The following ANKFN1 variants were observed in gnomAD, a reference collection of about 807,000 sequenced individuals.
ANKFN1 encodes ankyrin repeat and fibronectin type-III domain-containing protein 1.
Under a neutral mutation model 108.7 loss-of-function variants are expected in ANKFN1, and 74 were observed. The ratio of observed to expected loss-of-function variants is 0.68; its 90% CI spans 0.56 to 0.83. The LOEUF is 0.83. Ranked by LOEUF, ANKFN1 falls within the 40% of genes least tolerant of loss-of-function variation. The pLI is 0.00. For missense variants in ANKFN1, 1,505 were observed against 1,382.3 expected, an observed-to-expected ratio of 1.09 and a Z score of -1.41; for synonymous variants, 547 against 516.2, an observed-to-expected ratio of 1.06 and a Z score of -0.81.
intron 8 of ANKFN1, among the ~76,000 whole-genome samples, chr17:56,400,880 C>G (rs1007925013): frequency 2.0e-5 from 3 of 151,952 alleles, no homozygotes; most frequent in African/African-American, 7.2e-5. Flanking sequence ...TTTGCTTTGT[C>G]AAAAATCGGT....
rs537969937 is a variant in ANKFN1, at chr17:56,466,887, T to C, written c.1773+316T>C. 3.3e-5 allele frequency among the ~76,000 whole-genome samples: 5 copies of C among 152,088 alleles called. No individual in the cohort carries two copies. In the East Asian group the frequency reaches 9.7e-4, roughly 30 times the overall value. ...TTTGGGACCAAGGTGGGTAGATCAC[T>C]TGAGGTCAGGAGTTCAAGACCAGCC... On this transcript the variant is annotated intron_variant, in intron 15 of 20. Transcript: ENST00000682825.
chr17:56,168,998 G>A (rs1365315713), intron 1 of ANKFN1, among the ~76,000 whole-genome samples: 1 of 152,126 alleles, frequency 6.6e-6, no homozygotes, highest in Non-Finnish European at 1.5e-5. Context: ...GGAGGGAACC[G>A]AGCCTGCTTG....
chr17:56,193,519 G>A (rs1489211583), intron 1 of ANKFN1, among the ~76,000 whole-genome samples: 2 of 144,172 alleles, frequency 1.4e-5, no homozygotes, highest in African/African-American at 2.6e-5. Flanking sequence ...TTTATTTGTA[G>A]CGTTTTAAAA....
chr17:56,315,041 A>T (rs1289734781), intron 3 of ANKFN1, among the ~76,000 whole-genome samples: 1 of 152,132 alleles, frequency 6.6e-6, no homozygotes, highest in Non-Finnish European at 1.5e-5. Flanking sequence ...TCAGGTGCAA[A>T]TGTGTTTCAC....
At chr17:56,395,071 GTTGTT>G (rs2047539674) in intron 8 of ANKFN1, among the ~76,000 whole-genome samples, 4 of 152,112 alleles carry the variant, frequency 2.6e-5, no homozygotes, top group Admixed American at 2.6e-4. Flanking sequence ...GTCCCTTTGT[GTTGTT>G]TTAATACAAT....
chr17:56,317,315 C>A (rs2045238015), intron 3 of ANKFN1, among the ~76,000 whole-genome samples: 1 of 152,138 alleles, frequency 6.6e-6, no homozygotes, highest in Non-Finnish European at 1.5e-5. Flanking sequence ...GCAAATCAAC[C>A]TTTTTAGATG....
intron 4 of ANKFN1, among the ~76,000 whole-genome samples, chr17:56,058,491 A>T (rs1237813964): frequency 2.6e-5 from 4 of 152,124 alleles, no homozygotes; most frequent in Admixed American, 2.0e-4. Context: ...AAGTTCCAGG[A>T]TACATGTGCA....
chr17:56,065,075 G>A (rs1598086626), intron 4 of ANKFN1, among the ~76,000 whole-genome samples: 1 of 152,198 alleles, frequency 6.6e-6, no homozygotes, highest in Admixed American at 6.5e-5. Context: ...GAACCTGGAT[G>A]CCTTCATTGG....
Position 56,275,895 on chromosome 17 carries a change from G to T in ANKFN1, c.53+47938G>T, listed in dbSNP as rs149399886. On this transcript the variant is annotated intron_variant, in intron 3 of 20. Transcript: ENST00000682825. ...TTATTATTATACTTTAAGTTCTAGG[G>T]TACATGTGTACAACATACAGGTTTG... Among the ~76,000 whole-genome samples, 358 of 152,128 alleles carry T rather than the reference G, an allele frequency of 2.4e-3. 4 individuals are homozygous for T. The highest frequency in any genetic ancestry group is 8.2e-3 in the African/African-American group (340 of 41,488).
chr17:56,161,886 A>T (rs138132302), intron 1 of ANKFN1, among the ~76,000 whole-genome samples: 3 of 152,240 alleles, frequency 2.0e-5, no homozygotes, highest in African/African-American at 7.2e-5. Flanking sequence ...CTCAGGGTCT[A>T]TGGGAATGCT....
intron 4 of ANKFN1, among the ~76,000 whole-genome samples, chr17:56,053,511 C>CA (rs1217823097): frequency 6.6e-6 from 1 of 152,114 alleles, no homozygotes; most frequent in Non-Finnish European, 1.5e-5. Context: ...CTAAATAGTA[C>CA]TCCATTGTGT....
At chr17:56,439,538 C>T (rs906698095) in intron 8 of ANKFN1, among the ~76,000 whole-genome samples, 1 of 151,652 alleles carries the variant, frequency 6.6e-6, no homozygotes, top group African/African-American at 2.4e-5. Flanking sequence ...AAACATTCAC[C>T]TTGGGGATGT....
At chr17:56,063,324 G>T (rs536830243) in intron 4 of ANKFN1, among the ~76,000 whole-genome samples, 1 of 151,924 alleles carries the variant, frequency 6.6e-6, no homozygotes, top group Non-Finnish European at 1.5e-5. Context: ...AGTTCTCCTG[G>T]ATAATATCCT....
chr17:56,057,891 G>C (rs1322384895), intron 4 of ANKFN1, among the ~76,000 whole-genome samples: 2 of 152,158 alleles, frequency 1.3e-5, no homozygotes, highest in African/African-American at 4.8e-5. Flanking sequence ...ATCTCCATCG[G>C]AGATCATCTT....
chr17:56,446,461 G>A (rs1476188060), intron 10 of ANKFN1, among the ~76,000 whole-genome samples: 4 of 152,136 alleles, frequency 2.6e-5, no homozygotes, highest in East Asian at 1.9e-4. Context: ...AAAGGATACC[G>A]AGTGTTTATT....
chr17:56,445,005 T>A (rs1352901933), intron 10 of ANKFN1, among the ~76,000 whole-genome samples: 1 of 152,222 alleles, frequency 6.6e-6, no homozygotes, highest in Non-Finnish European at 1.5e-5. Flanking sequence ...CTAAGGTCCC[T>A]GACTCTCCTG....
intron 11 of ANKFN1, among the ~76,000 whole-genome samples, chr17:56,452,091 AAAC>A (rs1423899096): frequency 3.9e-5 from 6 of 152,208 alleles, no homozygotes; most frequent in Admixed American, 2.6e-4. Flanking sequence ...TACAATATTA[AAAC>A]AACAATCGTG....
intron 3 of ANKFN1, among the ~76,000 whole-genome samples, chr17:56,296,320 C>T (rs996445696): frequency 1.3e-5 from 2 of 152,046 alleles, no homozygotes; most frequent in African/African-American, 4.8e-5. Context: ...AAACATTTGG[C>T]CTTTGGCATT....
chr17:56,362,965 C>A (rs780423604), intron 6 of ANKFN1, among the ~76,000 whole-genome samples: 3 of 152,124 alleles, frequency 2.0e-5, no homozygotes, highest in African/African-American at 4.8e-5. Context: ...AATCCCAGCA[C>A]TTTGGGAGGC....
Sources: allele counts gnomAD v4.1 joint callset (sites outside exome capture counted in the v4.1 genomes callset), GRCh38; gene constraint gnomAD v4.1.1; transcripts MANE v1.5; gene names NCBI Gene and HGNC (gene_info 2026-07-23, HGNC 2026-07-21).